SOS1: variants seen among roughly 807,000 people sequenced by gnomAD.
SOS1 encodes the protein son of sevenless homolog 1.
A neutral mutation model predicts 157.6 loss-of-function variants in SOS1; 25 were observed. That is an observed-to-expected ratio of 0.16 (90% confidence interval 0.12 to 0.22). The LOEUF (loss-of-function observed/expected upper bound fraction) is 0.22, where lower values mean the gene tolerates loss of function less well. Ranked by LOEUF, SOS1 falls within the 10% of genes least tolerant of loss-of-function variation. SOS1 has a pLI of 1.00. For synonymous variants in SOS1, 528 were observed against 534.0 expected, an observed-to-expected ratio of 0.99 and a Z score of 0.16; for missense variants, 1,237 against 1,599.1, an observed-to-expected ratio of 0.77 and a Z score of 3.86.
chr2:39,078,144 T>C (rs1018513372), intron 1 of SOS1, among the ~76,000 whole-genome samples: 2 of 152,124 alleles, frequency 1.3e-5, no homozygotes, highest in African/African-American at 2.4e-5. Context: ...GAAACACAAC[T>C]GCCCCATAAA....
intron 17 of SOS1, among the ~76,000 whole-genome samples, chr2:38,998,229 T>A (rs1049973988): frequency 6.6e-6 from 1 of 151,890 alleles, no homozygotes; most frequent in Non-Finnish European, 1.5e-5. Context: ...CTGTGTGTGA[T>A]CTTATTTTTT....
At chr2:39,110,246 T>A (rs1673372341) in intron 1 of SOS1, among the ~76,000 whole-genome samples, 2 of 152,162 alleles carry the variant, frequency 1.3e-5, no homozygotes, top group African/African-American at 4.8e-5. Context: ...CATCTCCAGA[T>A]TACTAATAAT....
chr2:39,094,331 G>A (rs1672694007), intron 1 of SOS1, among the ~76,000 whole-genome samples: 1 of 151,940 alleles, frequency 6.6e-6, no homozygotes, highest in Non-Finnish European at 1.5e-5. Context: ...CAGTACTTTT[G>A]GGGAGCCTCG....
chr2:39,025,446 T>G (rs1669925703), intron 8 of SOS1, among the ~76,000 whole-genome samples: 1 of 152,006 alleles, frequency 6.6e-6, no homozygotes, highest in Non-Finnish European at 1.5e-5. Context: ...GCCTCCCAGC[T>G]TCAAGTAGTT....
chr2:39,081,284 C>T (rs531859226), intron 1 of SOS1, among the ~76,000 whole-genome samples: 36 of 152,122 alleles, frequency 2.4e-4, no homozygotes, highest in Non-Finnish European at 4.7e-4. Flanking sequence ...CTGTGAGAAG[C>T]GTGGGCTGGC....
In SOS1 at chr2:39,056,857, C is replaced by G; in HGVS notation, c.355G>C (p.Gly119Arg). The G allele has an allele frequency of 6.2e-7, 1 of 1,604,462 alleles. No homozygotes were observed. Among genetic ancestry groups the G allele is most frequent in the East Asian group, 2.2e-5 (1 of 44,718 alleles). Residue 119 changes from glycine to arginine, a missense_variant, in exon 4 of 23, where the codon GGT becomes CGT. By Grantham distance (125) the Gly-to-Arg change is moderately radical (BLOSUM62 -2). Coordinates refer to ENST00000402219, the MANE Select transcript of SOS1 (RefSeq NM_005633.4). ...KIHPLLKEVL[G>R]YKIDHQVSVY... The stretch of plus-strand genomic sequence containing the variant: ...GAAACCTGGTGGTCAATTTTATAAC[C>G]TAGGACCTCCTGCAAAATTAAAAGA...
At chr2:39,011,925 A>C (rs1274962226) in intron 14 of SOS1, among the ~76,000 whole-genome samples, 1 of 152,192 alleles carries the variant, frequency 6.6e-6, no homozygotes, top group Non-Finnish European at 1.5e-5. Flanking sequence ...GGGTGAACAC[A>C]GAAAGACAGA....
At chr2:39,045,564 T>C (rs1364525365) in intron 6 of SOS1, among the ~76,000 whole-genome samples, 1 of 152,186 alleles carries the variant, frequency 6.6e-6, no homozygotes, top group African/African-American at 2.4e-5. Flanking sequence ...CTTTGTGTAA[T>C]TTTATCAGTT....
chr2:39,010,543 A>G, intron 15 of SOS1, 41 bp downstream of exon 15: 2 of 1,576,982 alleles, frequency 1.3e-6, no homozygotes, highest in Non-Finnish European at 1.7e-6. Context: ...TTCATAACAT[A>G]GCTGACAGCT....
At chr2:39,088,689 C>T (rs1056712853) in intron 1 of SOS1, among the ~76,000 whole-genome samples, 1 of 152,178 alleles carries the variant, frequency 6.6e-6, no homozygotes, top group Non-Finnish European at 1.5e-5. Context: ...TATTCTATTA[C>T]ATGCATGTAT....
intron 19 of SOS1, 39 bp downstream of exon 19, chr2:38,996,883 G>GT (rs1558460520): frequency 4.2e-6 from 4 of 962,248 alleles, no homozygotes; most frequent in Admixed American, 3.4e-5. Flanking sequence ...AACACATATG[G>GT]TAGTAATGAC....
intron 1 of SOS1, among the ~76,000 whole-genome samples, chr2:39,083,086 C>T (rs772387156): frequency 6.6e-6 from 1 of 152,142 alleles, no homozygotes; most frequent in Non-Finnish European, 1.5e-5. Flanking sequence ...GTTCTAGCTG[C>T]TGGACTTGCA....
chr2:39,059,176 C>A (rs1348452623), intron 2 of SOS1, among the ~76,000 whole-genome samples: 1 of 152,126 alleles, frequency 6.6e-6, no homozygotes, highest in East Asian at 1.9e-4. Context: ...ACTCACTTGT[C>A]CTTACTTTCA....
chr2:39,091,190 A>G lies in SOS1; in HGVS notation c.88-23437T>C, dbSNP rs575184427. On this transcript the variant is annotated intron_variant, in intron 1 of 22. Transcript: ENST00000402219. ...GGCCAAGCATTTGGTATTTTTATCA[A>G]CCTCTCAGGTGGGACCAACACTGCT... Among the ~76,000 whole-genome samples the G allele has an allele frequency of 2.1e-4, 32 of 151,768 alleles. 1 individual carries two copies. The highest frequency in any genetic ancestry group is 7.4e-5 in the Non-Finnish European group (5 of 67,952).
At chr2:39,101,035 A>T (rs1672947122) in intron 1 of SOS1, among the ~76,000 whole-genome samples, 1 of 152,234 alleles carries the variant, frequency 6.6e-6, no homozygotes, top group Admixed American at 6.5e-5. Context: ...TGGGTAATTT[A>T]TAAAGTAAAG....
At chr2:39,092,146 C>T (rs762337988) in intron 1 of SOS1, among the ~76,000 whole-genome samples, 5 of 152,124 alleles carry the variant, frequency 3.3e-5, no homozygotes, top group South Asian at 2.1e-4. Flanking sequence ...TGTCTCCAAA[C>T]GTAATTTTTC....
At chr2:39,065,618 C>CT (rs1306728641) in intron 2 of SOS1, among the ~76,000 whole-genome samples, 5 of 152,096 alleles carry the variant, frequency 3.3e-5, no homozygotes, top group Non-Finnish European at 7.4e-5. Context: ...CTCTAGTACC[C>CT]TTTTCTCTCC....
At chr2:39,040,576 C>T (rs556963424) in intron 6 of SOS1, among the ~76,000 whole-genome samples, 10 of 152,224 alleles carry the variant, frequency 6.6e-5, no homozygotes, top group South Asian at 2.1e-4. Flanking sequence ...TGGAAACATA[C>T]AATATTGTCC....
At chr2:39,115,838 A>G (rs1473525489) in intron 1 of SOS1, among the ~76,000 whole-genome samples, 1 of 152,122 alleles carries the variant, frequency 6.6e-6, no homozygotes, top group Admixed American at 6.5e-5. Context: ...CCAGTTTTTG[A>G]CTGAAAAGAG....
Sources: allele counts gnomAD v4.1 joint callset (sites outside exome capture counted in the v4.1 genomes callset), GRCh38; gene constraint gnomAD v4.1.1; transcripts MANE v1.5; gene names NCBI Gene and HGNC (gene_info 2026-07-23, HGNC 2026-07-21).